The following BRD10 variants were observed in gnomAD, a reference collection of about 807,000 sequenced individuals.
BRD10 encodes bromodomain containing 10, also known as uncharacterized bromodomain-containing protein 10.
At chr9:5,914,611 G>C in the BRD10 span, among the ~76,000 whole-genome samples, 12 of 151,788 alleles carry the variant, frequency 7.9e-5, no homozygotes, top group Non-Finnish European at 1.5e-4. Context: ...TTTTAGTAGA[G>C]ACGGGGTTTC....
chr9:6,002,952 C>T, the BRD10 span, among the ~76,000 whole-genome samples: 7 of 152,076 alleles, frequency 4.6e-5, no homozygotes, highest in African/African-American at 9.7e-5. Flanking sequence ...CCCTAAGTGC[C>T]GGGATTACAG....
At chr9:6,000,113 C>T in the BRD10 span, among the ~76,000 whole-genome samples, 7 of 152,202 alleles carry the variant, frequency 4.6e-5, no homozygotes, top group Admixed American at 1.3e-4. Flanking sequence ...TACCTAGGAT[C>T]TTTCTAGTTA....
chr9:6,000,798 T>A, the BRD10 span, among the ~76,000 whole-genome samples: 1 of 152,252 alleles, frequency 6.6e-6, no homozygotes, highest in South Asian at 2.1e-4. Flanking sequence ...ATACATATTT[T>A]AATCATAACC....
the BRD10 span, among the ~76,000 whole-genome samples, chr9:5,925,896 A>T: frequency 2.0e-5 from 3 of 152,190 alleles, no homozygotes; most frequent in Admixed American, 2.0e-4. Flanking sequence ...CAAAAAATAA[A>T]CATGAACATA....
At chr9:5,920,246 G>A in the BRD10 span, 1 of 1,613,790 alleles carries the variant, frequency 6.2e-7, no homozygotes, top group Non-Finnish European at 8.5e-7. Context: ...TCCATATTTT[G>A]GATTAGTAGA....
the BRD10 span, among the ~76,000 whole-genome samples, chr9:5,884,470 T>G: frequency 6.6e-6 from 1 of 152,222 alleles, no homozygotes; most frequent in Admixed American, 6.5e-5. Context: ...CAGACCGGTC[T>G]GGGGCCCTGA....
the BRD10 span, among the ~76,000 whole-genome samples, chr9:5,927,570 A>G: frequency 6.6e-6 from 1 of 152,156 alleles, no homozygotes; most frequent in East Asian, 1.9e-4. Context: ...TAAGACTTTT[A>G]TCCACTCTTC....
At chr9:5,933,273 C>G in the BRD10 span, among the ~76,000 whole-genome samples, 1 of 152,184 alleles carries the variant, frequency 6.6e-6, no homozygotes, top group Admixed American at 6.6e-5. Flanking sequence ...GCAAACAATA[C>G]TGAGAGAATC....
chr9:6,007,683 C>T, the BRD10 span: 1 of 1,609,400 alleles, frequency 6.2e-7, no homozygotes, highest in Admixed American at 1.7e-5. Flanking sequence ...AGGTCTGGGC[C>T]GCCGCTGCCA....
chr9:5,978,383 G>A, the BRD10 span, among the ~76,000 whole-genome samples: 1 of 135,076 alleles, frequency 7.4e-6, no homozygotes, highest in Non-Finnish European at 1.6e-5. Context: ...CAAAGACATT[G>A]CAATTTAGTA....
the BRD10 span, chr9:5,922,655 T>C: frequency 2.2e-5 from 36 of 1,614,008 alleles, no homozygotes; most frequent in Non-Finnish European, 3.0e-5. Flanking sequence ...TCCTTCTTTA[T>C]GCTGAATCAC....
chr9:5,952,039 A>ATTTATTTATTT, the BRD10 span, among the ~76,000 whole-genome samples: 3 of 151,502 alleles, frequency 2.0e-5, no homozygotes, highest in Admixed American at 6.6e-5. Flanking sequence ...TTATTTATTT[A>ATTTATTTATTT]GAGACAGAGT....
chr9:5,969,596 T>C, the BRD10 span, among the ~76,000 whole-genome samples: 1 of 152,204 alleles, frequency 6.6e-6, no homozygotes, highest in African/African-American at 2.4e-5. Flanking sequence ...CAGGCTGTAG[T>C]GCAGTGATGC....
At chr9:5,989,582 G>T in the BRD10 span, among the ~76,000 whole-genome samples, 1 of 149,412 alleles carries the variant, frequency 6.7e-6, no homozygotes, top group Non-Finnish European at 1.5e-5. Flanking sequence ...TGTCACCCAG[G>T]CTGGGGTGCA....
chr9:6,007,278 G>A, the BRD10 span: 1 of 1,613,914 alleles, frequency 6.2e-7, no homozygotes, highest in Non-Finnish European at 8.5e-7. Flanking sequence ...CTCCGTGCAG[G>A]CGGTAGCACG....
chr9:5,923,177 A>C, the BRD10 span: 1 of 1,614,016 alleles, frequency 6.2e-7, no homozygotes, highest in Non-Finnish European at 8.5e-7. Context: ...GCTGTCATCC[A>C]CATAATCAGT....
At chr9:5,990,307 C>G in the BRD10 span, among the ~76,000 whole-genome samples, 1 of 152,156 alleles carries the variant, frequency 6.6e-6, no homozygotes, top group South Asian at 2.1e-4. Flanking sequence ...ATAATTTTAA[C>G]TACTTCTTCA....
the BRD10 span, chr9:5,968,911 T>C: frequency 1.9e-6 from 3 of 1,612,860 alleles, no homozygotes; most frequent in Admixed American, 3.3e-5. Context: ...CTTCCTTTTG[T>C]GTTTCATACA....
the BRD10 span, among the ~76,000 whole-genome samples, chr9:5,995,684 T>C: frequency 1.3e-5 from 2 of 152,210 alleles, no homozygotes; most frequent in Admixed American, 1.3e-4. Flanking sequence ...TTCTATACCC[T>C]ATCTGGTCAC....
Sources: allele counts gnomAD v4.1 joint callset (sites outside exome capture counted in the v4.1 genomes callset), GRCh38; gene constraint gnomAD v4.1.1; transcripts MANE v1.5; gene names NCBI Gene and HGNC (gene_info 2026-07-23, HGNC 2026-07-21).